The following GOLT1A variants were observed in gnomAD, a reference collection of about 807,000 sequenced individuals.
The protein encoded by GOLT1A is golgi transport 1A.
Under a neutral mutation model 16.1 loss-of-function variants are expected in GOLT1A, and 10 were observed. The ratio of observed to expected loss-of-function variants is 0.62; its 90% CI spans 0.38 to 1.05. GOLT1A has a LOEUF of 1.05. GOLT1A is among the 50% of genes least tolerant of loss of function. The pLI is 0.01. For synonymous variants in GOLT1A, 60 were observed against 67.9 expected (o/e 0.88, Z 0.57); for missense variants, 137 against 165.7 (o/e 0.83, Z 0.95).
intron 1 of GOLT1A, among the ~76,000 whole-genome samples, chr1:204,208,503 A>ATATATATATATATATATAT (rs1355316440): frequency 2.0e-5 from 1 of 50,992 alleles, no homozygotes; most frequent in African/African-American, 8.1e-5. Context: ...TATATATATA[A>ATATATATATATATATATAT]AAAATGAACT....
chr1:204,208,476 G>GTGTATA (rs1286299770), intron 1 of GOLT1A, among the ~76,000 whole-genome samples: 893 of 39,772 alleles, frequency 0.022, 29 homozygotes, highest in East Asian at 0.083. Context: ...GTGTGTGTGT[G>GTGTATA]TATATATATA....
chr1:204,213,037 C>T (rs1659163767), intron 1 of GOLT1A, among the ~76,000 whole-genome samples: 1 of 152,162 alleles, frequency 6.6e-6, no homozygotes, highest in African/African-American at 2.4e-5. Flanking sequence ...TAAAGGCTCA[C>T]CTTCTCAGTG....
At chr1:204,203,715 C>T (rs1209413858) in intron 1 of GOLT1A, among the ~76,000 whole-genome samples, 16 of 152,032 alleles carry the variant, frequency 1.1e-4, no homozygotes, top group East Asian at 1.9e-4. Context: ...ACACACTCTT[C>T]GGCCAACTCT....
intron 4 of GOLT1A, chr1:204,198,959 C>T (rs961208236): frequency 3.6e-6 from 2 of 561,346 alleles, no homozygotes; most frequent in African/African-American, 1.9e-5. Context: ...CTACCTGCCT[C>T]TACAGCCACA....
At chr1:204,202,763 C>T (rs539971517) in intron 2 of GOLT1A, 133 bp downstream of exon 2, 10 of 696,550 alleles carry the variant, frequency 1.4e-5, no homozygotes, top group African/African-American at 1.4e-4. Context: ...TCTGAATAAA[C>T]TTGGGATTTA....
At chr1:204,208,512 C>A (rs1424402814) in intron 1 of GOLT1A, among the ~76,000 whole-genome samples, 28 of 77,810 alleles carry the variant, frequency 3.6e-4, no homozygotes, top group African/African-American at 1.2e-3. Context: ...AAAAAATGAA[C>A]TACTACTCAG....
At chr1:204,203,995 T>G (rs775840673) in intron 1 of GOLT1A, among the ~76,000 whole-genome samples, 2 of 152,196 alleles carry the variant, frequency 1.3e-5, no homozygotes, top group African/African-American at 2.4e-5. Flanking sequence ...ATATTTCAGA[T>G]CGCTCCCCTC....
At chr1:204,198,558 A>G in intron 4 of GOLT1A, 62 bp from the exon 5 acceptor site, 2 of 1,500,284 alleles carry the variant, frequency 1.3e-6, no homozygotes, top group South Asian at 2.3e-5. Flanking sequence ...ATATCTAGTT[A>G]TTACAGAGCT....
At position 204,201,659 on chromosome 1, in the gene GOLT1A, T is replaced by G; in HGVS notation, c.270A>C (p.Glu90Asp). The part of the protein sequence containing the change: ...LRWPLLGMFL[E>D]TYGFFSLFKG... ...TAAAGAGGCTGAAGAATCCGTAGGT[T>G]TCCAGGAACATGCCGAGGAGGGGCC... Residue 90 changes from glutamate (E) to aspartate (D), a missense_variant, in exon 3 of 5, where the codon GAA becomes GAC. By Grantham distance (45) the Glu-to-Asp change is conservative. Transcript: ENST00000308302. 6.2e-7 allele frequency: 1 copy of G among 1,614,080 alleles called. No homozygotes were observed. The highest frequency in any genetic ancestry group is 8.5e-7 in the Non-Finnish European group (1 of 1,179,986).
At chr1:204,211,709 T>C (rs1157058843) in intron 1 of GOLT1A, among the ~76,000 whole-genome samples, 1 of 152,150 alleles carries the variant, frequency 6.6e-6, no homozygotes, top group African/African-American at 2.4e-5. Flanking sequence ...GCCAGGTCCA[T>C]GATTCTCAAC....
rs1658966355 is a variant in GOLT1A at position 204,201,759 on chromosome 1, C to A, written c.170G>T (p.Trp57Leu). 1 of 1,614,134 alleles carries A rather than the reference C, an allele frequency of 6.2e-7. No homozygotes were observed. Among genetic ancestry groups the A allele is most frequent in the South Asian group, 1.1e-5 (1 of 91,076 alleles). ...SLIIGLRKTF[W>L]FFFQRHKLKG... ...GAGTTTGTGCCGTTGGAAGAAGAAC[C>A]AAAAGGTCTTCCTCAGGCCAATGAT... is the stretch of plus-strand genomic sequence containing the variant. Residue 57 changes from tryptophan (W) to leucine (L), a missense_variant, in exon 3 of 5, where the codon TGG becomes TTG. Physicochemically the swap from Trp to Leu is moderately conservative, Grantham distance 61 (BLOSUM62 -2). Coordinates refer to ENST00000308302, the MANE Select transcript of GOLT1A (RefSeq NM_198447.2).
chr1:204,211,425 C>A (rs1464463979), intron 1 of GOLT1A, among the ~76,000 whole-genome samples: 1 of 152,198 alleles, frequency 6.6e-6, no homozygotes, highest in African/African-American at 2.4e-5. Context: ...TGACTCAGGG[C>A]CTTCGTACAT....
intron 1 of GOLT1A, among the ~76,000 whole-genome samples, chr1:204,203,286 C>T (rs112090621): frequency 1.7e-3 from 262 of 152,280 alleles, no homozygotes; most frequent in African/African-American, 6.1e-3. Flanking sequence ...CTCTCAGCCT[C>T]CTCTTGTCCT....
chr1:204,212,435 G>C (rs568011729), intron 1 of GOLT1A, among the ~76,000 whole-genome samples: 1 of 151,992 alleles, frequency 6.6e-6, no homozygotes, highest in Non-Finnish European at 1.5e-5. Context: ...TCAGGAGTTC[G>C]AGACCAACCT....
intron 3 of GOLT1A, among the ~76,000 whole-genome samples, chr1:204,199,885 G>A (rs1442700075): frequency 1.3e-5 from 2 of 152,184 alleles, no homozygotes; most frequent in African/African-American, 4.8e-5. Context: ...GGCTGGCATG[G>A]GAAGGGATCC....
chr1:204,198,192 A>C lies in GOLT1A; in HGVS notation c.*266T>G, dbSNP rs952574319. On this transcript the variant is annotated 3_prime_UTR_variant, in exon 5 of 5. Coordinates refer to ENST00000308302, the MANE Select transcript of GOLT1A (RefSeq NM_198447.2). ...CGCACAACTTGGGAATTTAATCTTC[A>C]CTTTTCCTCCCATAAATATAGAGTG... 17 of 448,498 alleles carry C rather than the reference A, an allele frequency of 3.8e-5. No individual in the cohort carries two copies. The highest frequency in any genetic ancestry group is 3.3e-4 in the African/African-American group (16 of 48,626). The allele number at this position is 448,498 out of a possible 1,614,324, so 27.8% of individuals were successfully genotyped here.
chr1:204,200,321 G>GT (rs1266230851), intron 3 of GOLT1A, among the ~76,000 whole-genome samples: 1 of 46,476 alleles, frequency 2.2e-5, no homozygotes, highest in Non-Finnish European at 4.1e-5. Context: ...ATATATATAT[G>GT]TTTTTGTTTT....
chr1:204,202,589 T>C (rs1376966423), intron 2 of GOLT1A, among the ~76,000 whole-genome samples: 1 of 152,046 alleles, frequency 6.6e-6, no homozygotes, highest in Admixed American at 6.5e-5. Flanking sequence ...GGGATTCAGA[T>C]GGCAGGGACA....
In GOLT1A at chr1:204,202,997, G is replaced by A; in HGVS notation, c.26-10C>T. 2 of 1,611,504 alleles carry A rather than the reference G, an allele frequency of 1.2e-6. No homozygotes were observed. Among genetic ancestry groups the A allele is most frequent in the African/African-American group, 2.7e-5 (2 of 74,926 alleles). On this transcript the variant is annotated splice_polypyrimidine_tract_variant and intron_variant, in intron 1 of 4. Transcript: ENST00000308302. ...ATCCCCACACCAATCTCTGCAATGGGCAAGGAGGTGGTGGAGGAAAGGGCT... is the reference window on the plus strand; with the variant it reads ...ATCCCCACACCAATCTCTGCAATGGACAAGGAGGTGGTGGAGGAAAGGGCT...
Sources: allele counts gnomAD v4.1 joint callset (sites outside exome capture counted in the v4.1 genomes callset), GRCh38; gene constraint gnomAD v4.1.1; transcripts MANE v1.5; gene names NCBI Gene and HGNC (gene_info 2026-07-23, HGNC 2026-07-21).